GPR141: variants seen among roughly 807,000 people sequenced by gnomAD.
GPR141 encodes the protein G protein-coupled receptor 141, also known as probable G protein-coupled receptor 141.
In GPR141, 6 loss-of-function variants were observed where a neutral mutation model predicts 6.8. The ratio of observed to expected loss-of-function variants is 0.88; its 90% CI spans 0.48 to 1.74. The LOEUF (loss-of-function observed/expected upper bound fraction) is 1.74. Ranked by LOEUF, GPR141 falls within the 40% of genes most tolerant of loss-of-function variation. The pLI is 0.01. For missense variants in GPR141, 372 were observed against 372.9 expected (o/e 1.00, Z 0.02); for synonymous variants, 140 against 142.3 (o/e 0.98, Z 0.11).
rs563498313 is a variant in GPR141, at chr7:37,715,597, T to G, written c.-14-24783T>G. 9.2e-5 allele frequency among the ~76,000 whole-genome samples: 14 copies of G among 152,324 alleles called. No individual in the cohort carries two copies. The South Asian group carries it at 2.3e-3, about 25-fold the overall frequency. ...TTCCATATTACAGATGAAGAAACAA[T>G]GGCATTTTGATAATGCAAACTGCAT... is the stretch of plus-strand genomic sequence containing the variant. On this transcript the variant is annotated intron_variant, in intron 2 of 2. Coordinates refer to ENST00000334425, the MANE Select transcript of GPR141 (RefSeq NM_001381946.1).
At position 37,742,902 on chromosome 7, in the gene GPR141, G is replaced by T. The variant is rs1044619918; in HGVS notation, c.*1591G>T. Among the ~76,000 whole-genome samples, 1 of 151,894 alleles carries T rather than the reference G, an allele frequency of 6.6e-6. No homozygotes were observed. Among genetic ancestry groups the T allele is most frequent in the Non-Finnish European group, 1.5e-5 (1 of 67,964 alleles). ...TAATATGGATTTTCTTTCCAAATTC[G>T]GAATTACTTTTTGTAAAATTGTATT... On this transcript the variant is annotated 3_prime_UTR_variant, in exon 3 of 3. Transcript: ENST00000334425.
chr7:37,692,215 C>T (rs1380925898), intron 2 of GPR141, among the ~76,000 whole-genome samples: 4 of 151,732 alleles, frequency 2.6e-5, no homozygotes, highest in African/African-American at 9.7e-5. Flanking sequence ...TCTCATTGTT[C>T]AACTCCCACT....
chr7:37,687,134 G>T (rs1809547084), intron 2 of GPR141, among the ~76,000 whole-genome samples: 1 of 152,144 alleles, frequency 6.6e-6, no homozygotes, highest in Admixed American at 6.5e-5. Context: ...GATGATGTCA[G>T]TCGGAGCACT....
At position 37,740,595 on chromosome 7, in the gene GPR141, A is replaced by G. The variant is rs780257890; in HGVS notation, c.202A>G (p.Thr68Ala). 6.2e-7 allele frequency: 1 copy of G among 1,614,092 alleles called. No individual in the cohort carries two copies. The highest frequency in any genetic ancestry group is 1.7e-5 in the Admixed American group (1 of 60,008). ...GGTGGTCCACAGCGTTTTTCTGCTG[A>G]CAGTGCCATTTCGCTTGACCTACCT... ...LVVVHSVFLL[T>A]VPFRLTYLIK... is the part of the protein sequence containing the mutation. Residue 68 changes from threonine to alanine, a missense_variant, in exon 3 of 3, where the codon ACA becomes GCA. By Grantham distance (58) the Thr-to-Ala change is moderately conservative. Coordinates refer to ENST00000334425, the MANE Select transcript of GPR141 (RefSeq NM_001381946.1).
intron 2 of GPR141, among the ~76,000 whole-genome samples, chr7:37,710,386 C>G (rs1810737046): frequency 6.6e-6 from 1 of 152,138 alleles, no homozygotes; most frequent in Non-Finnish European, 1.5e-5. Flanking sequence ...CCCCTCCAAC[C>G]CTGCAGCTAC....
At chr7:37,720,103 G>T (rs1358552672) in intron 2 of GPR141, among the ~76,000 whole-genome samples, 2 of 148,012 alleles carry the variant, frequency 1.4e-5, no homozygotes, top group Non-Finnish European at 3.0e-5. Flanking sequence ...AGGGTTCCAG[G>T]GTGTCGGGAG....
chr7:37,728,775 G>T (rs534491270), intron 2 of GPR141, among the ~76,000 whole-genome samples: 1 of 152,106 alleles, frequency 6.6e-6, no homozygotes, highest in Non-Finnish European at 1.5e-5. Context: ...AATCACAAGA[G>T]AATCATGCAG....
intron 2 of GPR141, among the ~76,000 whole-genome samples, chr7:37,724,871 T>C (rs1466929472): frequency 6.6e-6 from 1 of 152,200 alleles, no homozygotes; most frequent in East Asian, 1.9e-4. Flanking sequence ...GATTAGAAGC[T>C]GCCGTCTGTC....
In GPR141 at chr7:37,722,679, C is replaced by T. The variant is rs187572521; in HGVS notation, c.-14-17701C>T. 2.4e-3 allele frequency among the ~76,000 whole-genome samples: 354 copies of T among 149,158 alleles called. 1 individual carries two copies. Among genetic ancestry groups the T allele is most frequent in the African/African-American group, 8.4e-3 (339 of 40,170 alleles). On this transcript the variant is annotated intron_variant, in intron 2 of 2. Transcript: ENST00000334425. Reference sequence around the variant, plus strand: ...GGAGGTTGCAGTGAGCCAACTTATGCCACTGCACTCCAGCCTGGGTGACAG... The same window carrying T: ...GGAGGTTGCAGTGAGCCAACTTATGTCACTGCACTCCAGCCTGGGTGACAG...
intron 2 of GPR141, among the ~76,000 whole-genome samples, chr7:37,740,163 G>T (rs1185594406): frequency 6.6e-6 from 1 of 152,040 alleles, no homozygotes; most frequent in Non-Finnish European, 1.5e-5. Flanking sequence ...ATTCAGATTC[G>T]ATTTTTATTC....
At chr7:37,736,742 AC>A (rs2131858419) in intron 2 of GPR141, among the ~76,000 whole-genome samples, 1 of 152,314 alleles carries the variant, frequency 6.6e-6, no homozygotes, top group East Asian at 1.9e-4. Flanking sequence ...TCAGACACAC[AC>A]ATACGAAAGC....
chr7:37,729,574 CA>C lies in GPR141; in HGVS notation c.-14-10803del, dbSNP rs569411098. Among the ~76,000 whole-genome samples the C allele has an allele frequency of 2.4e-4, 36 of 152,246 alleles. No individual in the cohort carries two copies. In the East Asian group the frequency reaches 4.4e-3, roughly 19 times the overall value. On this transcript the variant is annotated intron_variant, in intron 2 of 2. Transcript: ENST00000334425. Reference sequence around the variant, plus strand: ...AAATTCAAAGTTAAAAACAAGTCCACAAATGACTAAAATAATTAAAACAGAG... The same window carrying C: ...AAATTCAAAGTTAAAAACAAGTCCACAATGACTAAAATAATTAAAACAGAG...
chr7:37,734,614 G>A (rs1812141835), intron 2 of GPR141, among the ~76,000 whole-genome samples: 1 of 152,216 alleles, frequency 6.6e-6, no homozygotes, highest in Non-Finnish European at 1.5e-5. Context: ...TTGTAGAGGT[G>A]ATTCTTTTAT....
intron 2 of GPR141, among the ~76,000 whole-genome samples, chr7:37,730,210 C>T (rs978071165): frequency 6.6e-6 from 1 of 152,122 alleles, no homozygotes. Flanking sequence ...ATCTCTCGCT[C>T]TCTTTCATGA....
intron 2 of GPR141, among the ~76,000 whole-genome samples, chr7:37,706,935 T>C (rs1283823973): frequency 1.3e-5 from 2 of 152,116 alleles, no homozygotes; most frequent in Non-Finnish European, 2.9e-5. Flanking sequence ...CCCTCTTCTC[T>C]CTCCTGAGAG....
At chr7:37,734,691 T>C (rs560092378) in intron 2 of GPR141, among the ~76,000 whole-genome samples, 1 of 152,330 alleles carries the variant, frequency 6.6e-6, no homozygotes, top group Admixed American at 6.5e-5. Context: ...CTGACTTATC[T>C]TCTGAAAGAG....
chr7:37,697,018 T>C (rs1396079807), intron 2 of GPR141, among the ~76,000 whole-genome samples: 1 of 152,176 alleles, frequency 6.6e-6, no homozygotes, highest in Admixed American at 6.5e-5. Context: ...GATTCAAAGA[T>C]ATTTTTATAA....
rs377700910 is a variant in GPR141 at position 37,715,159 on chromosome 7, T to C, written c.-14-25221T>C. Reference sequence around the variant, plus strand: ...TTTTAGAGACAGAGTCTCACTCTGTTGCCCAGGCTGGAGTGCAGTGGCATG... The same window carrying C: ...TTTTAGAGACAGAGTCTCACTCTGTCGCCCAGGCTGGAGTGCAGTGGCATG... On this transcript the variant is annotated intron_variant, in intron 2 of 2. Coordinates refer to ENST00000334425, the MANE Select transcript of GPR141 (RefSeq NM_001381946.1). 5.3e-5 allele frequency among the ~76,000 whole-genome samples: 8 copies of C among 152,336 alleles called. No individual in the cohort carries two copies. The East Asian group carries it at 1.5e-3, about 29-fold the overall frequency.
intron 2 of GPR141, among the ~76,000 whole-genome samples, chr7:37,698,153 C>T (rs1476479319): frequency 1.3e-5 from 2 of 152,190 alleles, no homozygotes; most frequent in Admixed American, 1.3e-4. Flanking sequence ...GCACACCTGC[C>T]ATATTCCAGA....
Sources: gnomAD v4.1 joint callset for allele counts (sites outside exome capture counted in the v4.1 genomes callset) on GRCh38, gnomAD v4.1.1 for gene constraint, MANE v1.5 for transcripts, NCBI Gene and HGNC (gene_info 2026-07-23, HGNC 2026-07-21) for gene names.